ASTN2: variants seen among roughly 807,000 people sequenced by gnomAD.
ASTN2 encodes the protein astrotactin 2, also known as astrotactin-2.
A neutral mutation model predicts 139.8 loss-of-function variants in ASTN2; 54 were observed. That is an observed-to-expected ratio of 0.39 (90% CI 0.31 to 0.48). The LOEUF is 0.48. Ranked by LOEUF, ASTN2 falls within the 20% of genes least tolerant of loss-of-function variation. The pLI is 0.95. For synonymous variants in ASTN2, 756 were observed against 719.5 expected (o/e 1.05, Z -0.81); for missense variants, 1,565 against 1,725.1 (o/e 0.91, Z 1.64).
chr9:116,743,274 G>A (rs1829142060), intron 13 of ASTN2, among the ~76,000 whole-genome samples: 1 of 152,140 alleles, frequency 6.6e-6, no homozygotes, highest in African/African-American at 2.4e-5. Flanking sequence ...TACTTGGCCG[G>A]GCATGGTGGC....
intron 3 of ASTN2, chr9:117,180,953 C>A (rs773478565): frequency 3.4e-5 from 54 of 1,597,850 alleles, no homozygotes; most frequent in Non-Finnish European, 4.3e-5. Flanking sequence ...ATAACTTGGC[C>A]AATGTGAACC....
intron 1 of ASTN2, among the ~76,000 whole-genome samples, chr9:117,341,846 C>T (rs1237519415): frequency 1.3e-5 from 2 of 152,156 alleles, no homozygotes; most frequent in East Asian, 3.9e-4. Context: ...AAAATACCAG[C>T]ACACACTGTG....
intron 10 of ASTN2, among the ~76,000 whole-genome samples, chr9:116,941,758 C>T (rs1423015807): frequency 6.6e-6 from 1 of 152,078 alleles, no homozygotes; most frequent in Non-Finnish European, 1.5e-5. Flanking sequence ...TATGAACAAA[C>T]TACAGACTTT....
At chr9:116,598,904 G>A (rs1374638188) in intron 19 of ASTN2, among the ~76,000 whole-genome samples, 1 of 152,170 alleles carries the variant, frequency 6.6e-6, no homozygotes, top group African/African-American at 2.4e-5. Flanking sequence ...TTTTTATGAG[G>A]CATTTCTGTT....
intron 6 of ASTN2, among the ~76,000 whole-genome samples, chr9:117,022,453 A>C (rs1156272194): frequency 9.2e-5 from 10 of 108,680 alleles, no homozygotes; most frequent in East Asian, 3.5e-4. Context: ...AAAAAAAAAA[A>C]ACAAAAAAAC....
chr9:117,404,259 T>G (rs905399238), intron 1 of ASTN2, among the ~76,000 whole-genome samples: 3 of 152,192 alleles, frequency 2.0e-5, no homozygotes, highest in Non-Finnish European at 4.4e-5. Flanking sequence ...CTCAGAGAAG[T>G]GGCATACATA....
chr9:117,348,239 G>C (rs967416267), intron 1 of ASTN2, among the ~76,000 whole-genome samples: 1 of 152,134 alleles, frequency 6.6e-6, no homozygotes, highest in African/African-American at 2.4e-5. Flanking sequence ...AATTTTCCAG[G>C]TAGTTCAGTC....
intron 11 of ASTN2, among the ~76,000 whole-genome samples, chr9:116,835,161 A>G (rs539944496): frequency 2.0e-5 from 3 of 152,324 alleles, no homozygotes; most frequent in South Asian, 4.1e-4. Context: ...TATATTAATG[A>G]AGACCAATTC....
intron 19 of ASTN2, among the ~76,000 whole-genome samples, chr9:116,597,163 C>T (rs910838194): frequency 1.3e-5 from 2 of 152,076 alleles, no homozygotes; most frequent in African/African-American, 4.8e-5. Flanking sequence ...AATTGGTACC[C>T]TTTCCAGAGG....
rs915606638 is a variant in ASTN2 at position 117,413,860 on chromosome 9, G to A, written c.442+637C>T. On this transcript the variant is annotated intron_variant, in intron 1 of 22. Coordinates refer to ENST00000313400, the MANE Select transcript of ASTN2 (RefSeq NM_001365068.1). ...CTCTAAACGTGGAGACCTCGGAGTC[G>A]GAATCCCAGTTCTCAGCAACCACTC... Among the ~76,000 whole-genome samples the A allele has an allele frequency of 5.3e-5, 8 of 152,148 alleles. No homozygotes were observed. The East Asian group carries it at 1.6e-3, about 30-fold the overall frequency.
chr9:116,510,283 C>T (rs1230936959), intron 19 of ASTN2, among the ~76,000 whole-genome samples: 2 of 152,104 alleles, frequency 1.3e-5, no homozygotes, highest in African/African-American at 4.8e-5. Flanking sequence ...CCATTTCTTG[C>T]TCTTGTCAGG....
intron 1 of ASTN2, among the ~76,000 whole-genome samples, chr9:117,382,892 C>A (rs768003055): frequency 1.5e-4 from 23 of 152,026 alleles, no homozygotes; most frequent in Non-Finnish European, 2.5e-4. Flanking sequence ...AGATGACTCT[C>A]AAAAATATTA....
chr9:117,050,273 AG>A, intron 5 of ASTN2, among the ~76,000 whole-genome samples: 1 of 152,146 alleles, frequency 6.6e-6, no homozygotes, highest in East Asian at 1.9e-4. Context: ...TTTCCATGAA[AG>A]GTTCATTTCT....
At chr9:116,716,225 G>T (rs1032916386) in intron 16 of ASTN2, among the ~76,000 whole-genome samples, 4 of 152,144 alleles carry the variant, frequency 2.6e-5, no homozygotes, top group South Asian at 2.1e-4. Flanking sequence ...TCAATCTCTT[G>T]TCACTTCCCC....
At chr9:116,905,503 G>A (rs1834130573) in intron 10 of ASTN2, among the ~76,000 whole-genome samples, 1 of 152,148 alleles carries the variant, frequency 6.6e-6, no homozygotes, top group South Asian at 2.1e-4. Context: ...ACACAGGCAG[G>A]AAAGACCAGG....
intron 10 of ASTN2, among the ~76,000 whole-genome samples, chr9:116,912,796 A>G (rs933135784): frequency 7.2e-5 from 11 of 152,048 alleles, no homozygotes; most frequent in African/African-American, 2.7e-4. Context: ...GGTTCACTCT[A>G]AGTGGGGGTA....
At chr9:116,969,562 A>C (rs527707246) in intron 10 of ASTN2, among the ~76,000 whole-genome samples, 2 of 152,132 alleles carry the variant, frequency 1.3e-5, no homozygotes, top group Admixed American at 1.3e-4. Flanking sequence ...AGAAAAACAG[A>C]GTGCACCAGA....
chr9:116,982,592 G>A (rs1184611050), intron 7 of ASTN2, among the ~76,000 whole-genome samples: 1 of 151,870 alleles, frequency 6.6e-6, no homozygotes, highest in Non-Finnish European at 1.5e-5. Flanking sequence ...TAGAGACAGG[G>A]TGTTGCTCTG....
In ASTN2 at chr9:116,690,209, A is replaced by G. The variant is rs368048867; in HGVS notation, c.2806+35562T>C. Among the ~76,000 whole-genome samples, 39 of 152,362 alleles carry G rather than the reference A, an allele frequency of 2.6e-4. 1 individual carries two copies. In the South Asian group the frequency reaches 6.0e-3, roughly 23 times the overall value. ...TTGTCCTGTCAGCCTCAATCTATTA[A>G]AAATGCAAATGATTATAATTTGTTG... is the stretch of plus-strand genomic sequence containing the variant. On this transcript the variant is annotated intron_variant, in intron 16 of 22. Transcript: ENST00000313400.
Sources: allele counts gnomAD v4.1 joint callset (sites outside exome capture counted in the v4.1 genomes callset), GRCh38; gene constraint gnomAD v4.1.1; transcripts MANE v1.5; gene names NCBI Gene and HGNC (gene_info 2026-07-23, HGNC 2026-07-21).